The following EPC2 variants were observed in gnomAD, a reference collection of about 807,000 sequenced individuals.
EPC2 encodes the protein enhancer of polycomb 2.
In EPC2, 14 loss-of-function variants were observed where a neutral mutation model predicts 92.1. That is an observed-to-expected ratio of 0.15 (90% CI 0.10 to 0.24). The LOEUF (loss-of-function observed/expected upper bound fraction) is 0.24, where lower values mean the gene tolerates loss of function less well. Among genes scored for constraint, EPC2 ranks in the 10% least tolerant of loss-of-function variants. EPC2 has a pLI of 1.00. For missense variants in EPC2, 755 were observed against 971.5 expected (o/e 0.78, Z 2.96); for synonymous variants, 340 against 334.7 (o/e 1.02, Z -0.17).
rs1289849778 is a variant in EPC2 at position 148,707,195 on chromosome 2, A to G, written c.313+16822A>G. Among the ~76,000 whole-genome samples, 4 of 152,214 alleles carry G rather than the reference A, an allele frequency of 2.6e-5. No individual in the cohort carries two copies. The South Asian group carries it at 6.2e-4, about 24-fold the overall frequency. On this transcript the variant is annotated intron_variant, in intron 2 of 13. Coordinates refer to ENST00000258484, the MANE Select transcript of EPC2 (RefSeq NM_015630.4). The stretch of plus-strand genomic sequence containing the variant: ...AAAACAAAAAGAGGCAGGGGTTGCA[A>G]TCCTAGTCTCCGATAAAACAGACTT...
chr2:148,645,951 G>A (rs1217774660), intron 1 of EPC2, among the ~76,000 whole-genome samples: 1 of 152,244 alleles, frequency 6.6e-6, no homozygotes, highest in Non-Finnish European at 1.5e-5. Flanking sequence ...AGAAGTTGAG[G>A]ACCTAGTGCA....
At chr2:148,696,299 G>C (rs1681743847) in intron 2 of EPC2, among the ~76,000 whole-genome samples, 1 of 152,136 alleles carries the variant, frequency 6.6e-6, no homozygotes, top group Non-Finnish European at 1.5e-5. Context: ...AGAAAAAAAA[G>C]GTAATGCCAG....
intron 1 of EPC2, among the ~76,000 whole-genome samples, chr2:148,686,925 A>T (rs1359295232): frequency 1.3e-5 from 2 of 152,188 alleles, no homozygotes; most frequent in African/African-American, 4.8e-5. Context: ...CCAGCTGATT[A>T]GCCCCTAACA....
intron 2 of EPC2, among the ~76,000 whole-genome samples, chr2:148,715,025 G>GTTTTTTT (rs60115354): frequency 3.5e-5 from 3 of 86,858 alleles, no homozygotes; most frequent in African/African-American, 1.1e-4. Flanking sequence ...TTCTTCTAGG[G>GTTTTTTT]TTTTTTTTTT....
At chr2:148,669,479 C>A (rs1681113125) in intron 1 of EPC2, among the ~76,000 whole-genome samples, 1 of 152,190 alleles carries the variant, frequency 6.6e-6, no homozygotes, top group Middle Eastern at 3.4e-3. Flanking sequence ...GAGTTTGAGA[C>A]CAGACTGGGC....
rs769939079 is a variant in EPC2, at chr2:148,784,903, A to G, written c.2253A>G (p.Ser751=). Residue 751 remains serine, a synonymous_variant, in exon 13 of 14, where the codon TCA becomes TCG. Transcript: ENST00000258484. ...PVNVHINTRT[S]APSPTALKLA... Reference sequence around the variant, plus strand: ...ATGTGCATATCAATACACGGACTTCAGCACCATCGCCAACAGCCTTAAAAC... The same window carrying G: ...ATGTGCATATCAATACACGGACTTCGGCACCATCGCCAACAGCCTTAAAAC... 2.8e-5 allele frequency: 45 copies of G among 1,598,966 alleles called. No individual in the cohort carries two copies. Among genetic ancestry groups the G allele is most frequent in the Non-Finnish European group, 3.8e-5 (44 of 1,171,990 alleles).
At chr2:148,746,945 A>G (rs918839735) in intron 3 of EPC2, among the ~76,000 whole-genome samples, 1 of 152,118 alleles carries the variant, frequency 6.6e-6, no homozygotes, top group African/African-American at 2.4e-5. Context: ...TTATTCTTGT[A>G]AGTTTTCTAA....
intron 1 of EPC2, among the ~76,000 whole-genome samples, chr2:148,660,631 G>A (rs1263550157): frequency 6.6e-6 from 1 of 151,274 alleles, no homozygotes; most frequent in East Asian, 1.9e-4. Flanking sequence ...TTAAAGTTAA[G>A]TAGATTTCCC....
chr2:148,649,476 G>A (rs1330772741), intron 1 of EPC2, among the ~76,000 whole-genome samples: 1 of 152,142 alleles, frequency 6.6e-6, no homozygotes, highest in Non-Finnish European at 1.5e-5. Flanking sequence ...TGTTCCGTAC[G>A]ATGCATTTAA....
intron 11 of EPC2, among the ~76,000 whole-genome samples, chr2:148,782,742 A>C (rs962081617): frequency 1.1e-4 from 8 of 70,812 alleles, no homozygotes; most frequent in Non-Finnish European, 2.0e-4. Flanking sequence ...TCTGGCCTGC[A>C]GAACTATATG....
At chr2:148,672,448 G>T (rs1681173970) in intron 1 of EPC2, among the ~76,000 whole-genome samples, 1 of 151,976 alleles carries the variant, frequency 6.6e-6, no homozygotes, top group South Asian at 2.1e-4. Flanking sequence ...GTGCTTCGTT[G>T]ATTTTGTTTT....
chr2:148,667,692 A>G (rs762092270), intron 1 of EPC2, among the ~76,000 whole-genome samples: 3 of 152,164 alleles, frequency 2.0e-5, no homozygotes, highest in Non-Finnish European at 4.4e-5. Flanking sequence ...ACAATATTGA[A>G]TAGAACAGTT....
At chr2:148,669,031 A>C (rs919355386) in intron 1 of EPC2, among the ~76,000 whole-genome samples, 7 of 152,018 alleles carry the variant, frequency 4.6e-5, no homozygotes, top group Non-Finnish European at 7.4e-5. Flanking sequence ...GCTTTATTAC[A>C]TCTTACATCC....
chr2:148,656,133 C>A (rs1680794341), intron 1 of EPC2, among the ~76,000 whole-genome samples: 1 of 150,918 alleles, frequency 6.6e-6, no homozygotes, highest in Non-Finnish European at 1.5e-5. Context: ...AATATGTGAT[C>A]CTAAAGTTAG....
chr2:148,720,987 T>A (rs1682361441), intron 2 of EPC2, among the ~76,000 whole-genome samples: 1 of 152,200 alleles, frequency 6.6e-6, no homozygotes, highest in Non-Finnish European at 1.5e-5. Flanking sequence ...GTATGCTATG[T>A]GTAAGTAAAC....
At chr2:148,752,642 A>G (rs537191940) in intron 3 of EPC2, among the ~76,000 whole-genome samples, 2 of 152,312 alleles carry the variant, frequency 1.3e-5, no homozygotes, top group South Asian at 4.1e-4. Flanking sequence ...GGACTACAAT[A>G]CTTGAGTTGA....
chr2:148,651,788 T>G (rs1295918201), intron 1 of EPC2, among the ~76,000 whole-genome samples: 1 of 152,202 alleles, frequency 6.6e-6, no homozygotes, highest in Non-Finnish European at 1.5e-5. Flanking sequence ...TTTGTTAAAC[T>G]TAATAGATGG....
intron 1 of EPC2, among the ~76,000 whole-genome samples, chr2:148,647,420 G>A (rs567386732): frequency 3.2e-4 from 49 of 151,898 alleles, no homozygotes; most frequent in African/African-American, 9.9e-4. Flanking sequence ...TGATTTTCCT[G>A]CCTCAGCCTC....
chr2:148,690,940 G>A (rs1461304412), intron 2 of EPC2, among the ~76,000 whole-genome samples: 7 of 152,146 alleles, frequency 4.6e-5, no homozygotes, highest in East Asian at 1.9e-4. Context: ...TGGGATTACA[G>A]GTGTGAGCTA....
Sources: gnomAD v4.1 joint callset for allele counts (sites outside exome capture counted in the v4.1 genomes callset) on GRCh38, gnomAD v4.1.1 for gene constraint, MANE v1.5 for transcripts, NCBI Gene and HGNC (gene_info 2026-07-23, HGNC 2026-07-21) for gene names.